UBN1: variants seen among roughly 807,000 people sequenced by gnomAD.
UBN1 encodes ubinuclein-1.
In UBN1, 17 loss-of-function variants were observed where a neutral mutation model predicts 108.5. That is an observed-to-expected ratio of 0.16 (90% CI 0.11 to 0.24). The LOEUF (loss-of-function observed/expected upper bound fraction) is 0.24. Ranked by LOEUF, UBN1 falls within the 10% of genes least tolerant of loss-of-function variation. The pLI, the probability that UBN1 is intolerant of heterozygous loss-of-function variation, is 1.00. For missense variants in UBN1, 1,595 were observed against 1,394.4 expected, an observed-to-expected ratio of 1.14 and a Z score of -2.29; for synonymous variants, 726 against 564.2, an observed-to-expected ratio of 1.29 and a Z score of -4.07.
chr16:4,876,582 C>T (rs1567961097), intron 15 of UBN1, among the ~76,000 whole-genome samples: 1 of 151,600 alleles, frequency 6.6e-6, no homozygotes, highest in Non-Finnish European at 1.5e-5. Flanking sequence ...GGCTGGACTG[C>T]AGTAGCGCGA....
At chr16:4,866,956 G>A (rs1273197753) in intron 7 of UBN1, among the ~76,000 whole-genome samples, 1 of 152,250 alleles carries the variant, frequency 6.6e-6, no homozygotes, top group Non-Finnish European at 1.5e-5. Flanking sequence ...GTTAAAGAGA[G>A]GCTCTTGGGG....
chr16:4,852,242 C>G (rs2086594862), intron 1 of UBN1: 1 of 152,212 alleles, frequency 6.6e-6, no homozygotes, highest in Non-Finnish European at 1.5e-5. Flanking sequence ...ATTCTGTATT[C>G]AAAATCTATT....
In UBN1 at chr16:4,853,138, A is replaced by G; in HGVS notation, c.221A>G (p.Lys74Arg). 6.2e-7 allele frequency: 1 copy of G among 1,614,220 alleles called. No individual in the cohort carries two copies. The highest frequency in any genetic ancestry group is 8.5e-7 in the Non-Finnish European group (1 of 1,180,038). ...YPELVKNIRG[K>R]VKGLQPGDKK... is the part of the protein sequence containing the mutation. ...GAGCTGGTGAAGAATATCCGAGGGA[A>G]GGTAAAAGGCCTTCAGCCTGGAGAT... Residue 74 changes from lysine (K) to arginine (R), a missense_variant, in exon 2 of 18, where the codon AAG becomes AGG. By Grantham distance (26) the Lys-to-Arg change is conservative. This residue lies in a region of UBN1 where 181 missense variants were observed against 157.3 expected (regional missense o/e 1.15). Coordinates refer to ENST00000262376, the MANE Select transcript of UBN1 (RefSeq NM_001079514.3).
At chr16:4,853,562 T>C (rs867547565) in intron 2 of UBN1, among the ~76,000 whole-genome samples, 93 of 145,206 alleles carry the variant, frequency 6.4e-4, no homozygotes, top group Non-Finnish European at 1.3e-3. Context: ...TTTTTCTTTC[T>C]TTTTTTTTTT....
At position 4,877,644 on chromosome 16, in the gene UBN1, T is replaced by C. The variant is rs2087948322; in HGVS notation, c.3355+170T>C. ...CAGTACTCAGGGTGACACGCACTTCTACTCTTGGGGTTTCCTCTGGTCCCC... is the reference window on the plus strand; with the variant it reads ...CAGTACTCAGGGTGACACGCACTTCCACTCTTGGGGTTTCCTCTGGTCCCC... On this transcript the variant is annotated intron_variant, in intron 17 of 17. Coordinates refer to ENST00000262376, the MANE Select transcript of UBN1 (RefSeq NM_001079514.3). This position sits in a 1 kb window ranked among gnomAD's most constrained non-coding sequence, Gnocchi z 4.3. 6.7e-6 allele frequency: 9 copies of C among 1,334,458 alleles called. No individual in the cohort carries two copies. The highest frequency in any genetic ancestry group is 8.6e-6 in the Non-Finnish European group (9 of 1,044,352). The allele number at this position is 1,334,458 out of a possible 1,614,324, so 82.7% of individuals were successfully genotyped here. A position where few individuals can be genotyped will look rare whatever the true frequency, so the allele number is the denominator to read the frequency against.
intron 15 of UBN1, among the ~76,000 whole-genome samples, chr16:4,875,823 A>G (rs1161842255): frequency 1.3e-5 from 2 of 152,194 alleles, no homozygotes. Flanking sequence ...GGAGGTGTTC[A>G]TGGACCAGGA....
intron 2 of UBN1, among the ~76,000 whole-genome samples, chr16:4,857,658 A>C (rs1202194871): frequency 6.6e-6 from 1 of 152,202 alleles, no homozygotes; most frequent in South Asian, 2.1e-4. Flanking sequence ...AGAAAATTTT[A>C]AGAGTTACAA....
chr16:4,873,009 C>A lies in UBN1; in HGVS notation c.1758-22C>A, dbSNP rs369610953. 8 of 1,614,092 alleles carry A rather than the reference C, an allele frequency of 5.0e-6. No individual in the cohort carries two copies. In the African/African-American group the frequency reaches 9.3e-5, roughly 19 times the overall value. ...TCCTCTGGATATTCTCTAAACTTTTCTGTGCTCATTCCTTTGAACAGGGCC... is the reference window on the plus strand; with the variant it reads ...TCCTCTGGATATTCTCTAAACTTTTATGTGCTCATTCCTTTGAACAGGGCC... On this transcript the variant is annotated intron_variant, in intron 13 of 17. Transcript: ENST00000262376.
chr16:4,868,751 G>C, intron 7 of UBN1, 82 bp from the exon 8 acceptor site: 2 of 1,377,968 alleles, frequency 1.5e-6, no homozygotes, highest in Non-Finnish European at 2.0e-6. Context: ...TTTATGGAGC[G>C]ATGACTCCTG....
In UBN1 at chr16:4,861,042, C is replaced by A; in HGVS notation, c.1050C>A (p.Pro350=). Residue 350 remains proline, a synonymous_variant, in exon 7 of 18, where the codon CCC becomes CCA. Coordinates refer to ENST00000262376, the MANE Select transcript of UBN1 (RefSeq NM_001079514.3). The part of the protein sequence containing the change: ...GVGLDQEFRQ[P]SSLPEGLPAP... ...GATTGGACCAGGAATTCAGGCAGCC[C>A]TCTTCTCTCCCCGAAGGCCTGCCAG... 6.2e-7 allele frequency: 1 copy of A among 1,614,092 alleles called. No homozygotes were observed. The highest frequency in any genetic ancestry group is 2.2e-5 in the East Asian group (1 of 44,884).
chr16:4,867,227 A>G (rs2087378475), intron 7 of UBN1, among the ~76,000 whole-genome samples: 1 of 152,230 alleles, frequency 6.6e-6, no homozygotes, highest in African/African-American at 2.4e-5. Context: ...GGGGAAGAGC[A>G]GAAGCCAGTG....
At chr16:4,871,334 C>T (rs749621039) in intron 12 of UBN1, 33 bp downstream of exon 12, 4 of 1,604,276 alleles carry the variant, frequency 2.5e-6, no homozygotes, top group Non-Finnish European at 3.4e-6. Context: ...GGCATCTGTG[C>T]AGTCAAGACA....
intron 7 of UBN1, among the ~76,000 whole-genome samples, chr16:4,866,469 G>T (rs2087337399): frequency 6.6e-6 from 1 of 152,170 alleles, no homozygotes; most frequent in Non-Finnish European, 1.5e-5. Context: ...GTGACAGGCA[G>T]CCATGGGAAA....
chr16:4,876,258 T>C (rs907090457), intron 15 of UBN1, among the ~76,000 whole-genome samples: 1 of 152,120 alleles, frequency 6.6e-6, no homozygotes, highest in Non-Finnish European at 1.5e-5. Flanking sequence ...GCACCCGGCC[T>C]CTTTTTCTAA....
At chr16:4,865,629 C>T (rs1314688688) in intron 7 of UBN1, among the ~76,000 whole-genome samples, 3 of 152,118 alleles carry the variant, frequency 2.0e-5, no homozygotes, top group Non-Finnish European at 4.4e-5. Flanking sequence ...GCGATCACGT[C>T]ACTGCACTCC....
chr16:4,860,988 G>C lies in UBN1; in HGVS notation c.996G>C (p.Met332Ile). 8.1e-6 allele frequency: 13 copies of C among 1,614,252 alleles called. No individual in the cohort carries two copies. Among genetic ancestry groups the C allele is most frequent in the Non-Finnish European group, 1.1e-5 (13 of 1,180,050 alleles). Residue 332 changes from methionine to isoleucine, a missense_variant, in exon 7 of 18, where the codon ATG (methionine) becomes ATC (isoleucine). This residue lies in a region of UBN1 where 1,398 missense variants were observed against 1,194.7 expected (regional missense o/e 1.17). Transcript: ENST00000262376. ...CAGAAGGAAGTCCCTTCCGAGATAT[G>C]GATGATGGAAGTGATTCCCTTGGGG... is the stretch of plus-strand genomic sequence containing the variant. ...ESPEGSPFRD[M>I]DDGSDSLGVG...
At chr16:4,870,178 C>G in intron 8 of UBN1, 34 bp from the exon 9 acceptor site, 1 of 1,613,124 alleles carries the variant, frequency 6.2e-7, no homozygotes, top group South Asian at 1.1e-5. Context: ...TTGCAGTGAG[C>G]TGCAGCCGGT....
chr16:4,880,284 G>A lies in UBN1; in HGVS notation c.*152G>A, dbSNP rs1276805518. On this transcript the variant is annotated 3_prime_UTR_variant, in exon 18 of 18. Transcript: ENST00000262376. ...CGGAGCGCTTCTCGGCACTTCTGAT[G>A]TGCCTCCCATGGAGGGAGCCGGGCC... 1.2e-6 allele frequency: 1 copy of A among 867,224 alleles called. No individual in the cohort carries two copies. The highest frequency in any genetic ancestry group is 2.6e-5 in the East Asian group (1 of 37,786). The allele number at this position is 867,224 out of a possible 1,614,324, so 53.7% of individuals were successfully genotyped here. A position where few individuals can be genotyped will look rare whatever the true frequency, so the allele number is the denominator to read the frequency against.
At chr16:4,875,506 C>T (rs1596527107) in intron 15 of UBN1, 72 bp downstream of exon 15, 1 of 1,533,484 alleles carries the variant, frequency 6.5e-7, no homozygotes, top group Non-Finnish European at 8.8e-7. Flanking sequence ...CTTGCCTTGC[C>T]CCGGGTGGAG....
Sources: allele counts gnomAD v4.1 joint callset (sites outside exome capture counted in the v4.1 genomes callset), GRCh38; gene constraint gnomAD v4.1.1; regional missense constraint gnomAD v4.1.1; non-coding constraint Gnocchi (gnomAD v3.1); transcripts MANE v1.5; gene names NCBI Gene and HGNC (gene_info 2026-07-23, HGNC 2026-07-21).